Variants in NXN observed in about 807,000 individuals in gnomAD.
The protein encoded by NXN is nucleoredoxin.
Under a neutral mutation model 48.6 loss-of-function variants are expected in NXN, and 16 were observed. The observed-to-expected ratio is 0.33, with a 90% CI of 0.22 to 0.50. NXN has a LOEUF of 0.50. Among genes scored for constraint, NXN ranks in the 20% least tolerant of loss-of-function variants. NXN has a pLI of 0.98. For missense variants in NXN, 492 were observed against 605.5 expected (o/e 0.81, Z 1.97); for synonymous variants, 281 against 269.6 (o/e 1.04, Z -0.41).
At chr17:907,503 C>A (rs1018123414) in intron 1 of NXN, among the ~76,000 whole-genome samples, 1 of 152,088 alleles carries the variant, frequency 6.6e-6, no homozygotes, top group African/African-American at 2.4e-5. Flanking sequence ...CCACGCCAGG[C>A]TAATTTTTGT....
chr17:832,702 G>C (rs1334143600), intron 1 of NXN, among the ~76,000 whole-genome samples: 1 of 152,014 alleles, frequency 6.6e-6, no homozygotes, highest in Non-Finnish European at 1.5e-5. Flanking sequence ...ATCCTCTCTG[G>C]ATGGGTAAGA....
intron 1 of NXN, among the ~76,000 whole-genome samples, chr17:846,832 C>T (rs750293596): frequency 1.3e-5 from 2 of 151,022 alleles, no homozygotes; most frequent in Non-Finnish European, 2.9e-5. Context: ...TTAACAAAGG[C>T]GAGAAGGGAA....
At chr17:970,547 TC>T (rs2069363338) in intron 1 of NXN, among the ~76,000 whole-genome samples, 2 of 152,328 alleles carry the variant, frequency 1.3e-5, no homozygotes, top group East Asian at 3.9e-4. Context: ...TTCAAGCCGT[TC>T]AACTACCTCT....
Position 979,418 on chromosome 17 carries a change from C to T in NXN, c.261G>A (p.Glu87=), listed in dbSNP as rs779595477. ...AAEPEPRRRL[E]IVFVSSDQDQ... is the part of the protein sequence containing the mutation. ...CCTGGTCCGAGGACACGAAGACGAT[C>T]TCCAGGCGCCGCCGCGGCTCGGGCT... The change falls in exon 1 of 8, where the codon GAG becomes GAA. Residue 87 remains glutamate, a synonymous_variant. Coordinates refer to ENST00000336868, the MANE Select transcript of NXN (RefSeq NM_022463.5). 8.2e-5 allele frequency: 112 copies of T among 1,368,920 alleles called. 1 individual carries two copies. The highest frequency in any genetic ancestry group is 1.0e-4 in the Non-Finnish European group (109 of 1,047,144). 84.8% of individuals were successfully genotyped at this position (1,368,920 alleles called of 1,614,324 possible).
chr17:970,881 T>C (rs1015109649), intron 1 of NXN, among the ~76,000 whole-genome samples: 26 of 152,024 alleles, frequency 1.7e-4, no homozygotes, highest in African/African-American at 6.3e-4. Flanking sequence ...GGAAGAAAGA[T>C]GCTAGAGAAA....
chr17:923,398 C>T (rs2068767329), intron 1 of NXN, among the ~76,000 whole-genome samples: 1 of 152,170 alleles, frequency 6.6e-6, no homozygotes, highest in Non-Finnish European at 1.5e-5. Flanking sequence ...TGGCACATAC[C>T]TGTAGTCCTA....
At chr17:842,986 AAGAGAGAAAGAG>A (rs1316377469) in intron 1 of NXN, among the ~76,000 whole-genome samples, 1,231 of 115,170 alleles carry the variant, frequency 0.011, 5 homozygotes, top group African/African-American at 0.017. Flanking sequence ...GAAAGAGAGA[AAGAGAGAAAGAG>A]AGAAAGAGAG....
At chr17:827,021 C>T (rs1298051170) in intron 1 of NXN, among the ~76,000 whole-genome samples, 4 of 152,230 alleles carry the variant, frequency 2.6e-5, no homozygotes, top group African/African-American at 7.2e-5. Context: ...TGACTGGGTG[C>T]TCTCGAACCT....
At chr17:804,218 T>C (rs904289776) in intron 6 of NXN, among the ~76,000 whole-genome samples, 3 of 149,660 alleles carry the variant, frequency 2.0e-5, no homozygotes, top group Non-Finnish European at 4.4e-5. Flanking sequence ...CCAGTGAAAA[T>C]GGCAGAAGAA....
At chr17:928,061 G>A (rs2068819200) in intron 1 of NXN, among the ~76,000 whole-genome samples, 1 of 152,022 alleles carries the variant, frequency 6.6e-6, no homozygotes, top group East Asian at 1.9e-4. Context: ...ATCTGGAGGA[G>A]TTACTTAATT....
intron 1 of NXN, among the ~76,000 whole-genome samples, chr17:915,419 G>A (rs2068678632): frequency 6.6e-6 from 1 of 152,100 alleles, no homozygotes; most frequent in Non-Finnish European, 1.5e-5. Context: ...AAGTAGCTGG[G>A]ACTACGGGAG....
chr17:805,610 A>G (rs1022401814), intron 5 of NXN, among the ~76,000 whole-genome samples: 7 of 152,042 alleles, frequency 4.6e-5, no homozygotes, highest in Admixed American at 2.6e-4. Flanking sequence ...GCTGAGGTGG[A>G]TGGATCACTT....
At position 919,598 on chromosome 17, in the gene NXN, C is replaced by G. The variant is rs904018625; in HGVS notation, c.360+59721G>C. On this transcript the variant is annotated intron_variant, in intron 1 of 7. Coordinates refer to ENST00000336868, the MANE Select transcript of NXN (RefSeq NM_022463.5). This position sits in a 1 kb window ranked among gnomAD's most constrained non-coding sequence, Gnocchi z 5.1. ...GTATCGTGGGTTACAGAACCTACGT[C>G]GTCCTCGGAATCCCCGCATTCGTCC... Among the ~76,000 whole-genome samples the G allele has an allele frequency of 1.3e-5, 2 of 152,086 alleles. No homozygotes were observed. Among genetic ancestry groups the G allele is most frequent in the African/African-American group, 2.4e-5 (1 of 41,398 alleles).
rs187907712 is a variant in NXN at position 848,899 on chromosome 17, C to T, written c.361-22821G>A. ...TCTGGATAGGCCAAGTACCTATCCA[C>T]TGCTCAGCAGGACGTCGGCTCCATA... On this transcript the variant is annotated intron_variant, in intron 1 of 7. Transcript: ENST00000336868. Among the ~76,000 whole-genome samples the T allele has an allele frequency of 2.0e-5, 3 of 152,338 alleles. No homozygotes were observed. In the East Asian group the frequency reaches 5.8e-4, roughly 29 times the overall value.
intron 1 of NXN, among the ~76,000 whole-genome samples, chr17:855,094 T>C (rs543425783): frequency 6.6e-5 from 10 of 152,138 alleles, no homozygotes; most frequent in African/African-American, 1.9e-4. Context: ...CTGGGCAACA[T>C]AGCAAGACCC....
intron 1 of NXN, among the ~76,000 whole-genome samples, chr17:889,765 GAAAGAA>G (rs2068395715): frequency 7.4e-6 from 1 of 135,544 alleles, no homozygotes; most frequent in Non-Finnish European, 1.6e-5. Context: ...GAAAGAAAAA[GAAAGAA>G]AGAAAAGAGA....
intron 1 of NXN, among the ~76,000 whole-genome samples, chr17:964,558 T>C (rs1392934836): frequency 1.3e-5 from 2 of 152,166 alleles, no homozygotes; most frequent in East Asian, 3.8e-4. Flanking sequence ...TTTCTGCAAA[T>C]TTAGGAAACT....
In NXN at chr17:874,661, A is replaced by C. The variant is rs1274640063; in HGVS notation, c.361-48583T>G. On this transcript the variant is annotated intron_variant, in intron 1 of 7. Transcript: ENST00000336868. The stretch of plus-strand genomic sequence containing the variant: ...GAACAGACTAATGCAGCTCCCAGGC[A>C]CAAGCCTGGATCACAATCATGCCAC... Among the ~76,000 whole-genome samples, 4 of 148,134 alleles carry C rather than the reference A, an allele frequency of 2.7e-5. No homozygotes were observed. The East Asian group carries it at 7.8e-4, about 29-fold the overall frequency.
intron 1 of NXN, among the ~76,000 whole-genome samples, chr17:916,448 T>C (rs2068689529): frequency 6.6e-6 from 1 of 151,782 alleles, no homozygotes; most frequent in African/African-American, 2.4e-5. Context: ...GTTACCAAAC[T>C]AAAAAAAAGG....
Sources: allele counts gnomAD v4.1 joint callset (sites outside exome capture counted in the v4.1 genomes callset), GRCh38; gene constraint gnomAD v4.1.1; non-coding constraint Gnocchi (gnomAD v3.1); transcripts MANE v1.5; gene names NCBI Gene and HGNC (gene_info 2026-07-23, HGNC 2026-07-21).